The following TUBGCP3 variants were observed in gnomAD, a reference collection of about 807,000 sequenced individuals.
TUBGCP3 encodes gamma-tubulin complex component 3.
In TUBGCP3, 50 loss-of-function variants were observed where a neutral mutation model predicts 123.1. The observed-to-expected ratio is 0.41, with a 90% CI of 0.32 to 0.51. TUBGCP3 has a LOEUF of 0.51. TUBGCP3 is among the 20% of genes least tolerant of loss of function. TUBGCP3 has a pLI of 0.36. For synonymous variants in TUBGCP3, 405 were observed against 413.9 expected (o/e 0.98, Z 0.26); for missense variants, 882 against 1,127.0 (o/e 0.78, Z 3.11).
intron 19 of TUBGCP3, 112 bp from the exon 20 acceptor site, chr13:112,499,297 C>A: frequency 7.5e-7 from 1 of 1,334,404 alleles, no homozygotes; most frequent in South Asian, 1.5e-5. Context: ...AACTGAAATT[C>A]CCAAAGTGTT....
chr13:112,498,861 G>C, intron 20 of TUBGCP3, 184 bp downstream of exon 20: 1 of 1,608,096 alleles, frequency 6.2e-7, no homozygotes. Flanking sequence ...GATGATGCCA[G>C]TGAGGGTGGC....
Position 112,552,078 on chromosome 13 carries a change from C to T in TUBGCP3, c.966+1979G>A, listed in dbSNP as rs76473865. ...CGGTCATGCCTGCTCGCCCTCCACT[C>T]ACCTCCTGCCGTGCGGCCCAGTTCC... On this transcript the variant is annotated intron_variant, in intron 8 of 21. Coordinates refer to ENST00000261965, the MANE Select transcript of TUBGCP3 (RefSeq NM_006322.6). 8.1e-3 allele frequency among the ~76,000 whole-genome samples: 1,227 copies of T among 152,326 alleles called. 13 individuals carry two copies. Among genetic ancestry groups the T allele is most frequent in the African/African-American group, 0.028 (1,163 of 41,562 alleles).
At chr13:112,486,493 C>T (rs1298743170) in intron 21 of TUBGCP3, among the ~76,000 whole-genome samples, 1 of 152,252 alleles carries the variant, frequency 6.6e-6, no homozygotes, top group Non-Finnish European at 1.5e-5. Flanking sequence ...TTAGAACATT[C>T]TATTTTGAAT....
intron 17 of TUBGCP3, among the ~76,000 whole-genome samples, chr13:112,515,822 C>G (rs1318372313): frequency 2.6e-5 from 4 of 152,198 alleles, no homozygotes; most frequent in Non-Finnish European, 5.9e-5. Context: ...AGGGACCAGC[C>G]TGTGAGCTGG....
intron 2 of TUBGCP3, among the ~76,000 whole-genome samples, chr13:112,565,683 C>T (rs1339550037): frequency 6.6e-6 from 1 of 152,138 alleles, no homozygotes; most frequent in Non-Finnish European, 1.5e-5. Context: ...GCCTGTAATC[C>T]CAGCACTTTG....
intron 3 of TUBGCP3, among the ~76,000 whole-genome samples, chr13:112,560,132 C>CAA (rs778347153): frequency 0.2 from 17,564 of 87,282 alleles, 1,533 homozygotes; most frequent in Non-Finnish European, 0.26. Flanking sequence ...GACTCCGTCT[C>CAA]AAAAAAAAAA....
intron 14 of TUBGCP3, 45 bp downstream of exon 14, chr13:112,522,275 T>C: frequency 7.3e-7 from 1 of 1,373,376 alleles, no homozygotes; most frequent in Non-Finnish European, 9.7e-7. Context: ...TTCCTTATCA[T>C]GTCAAATATA....
chr13:112,486,297 C>T, intron 21 of TUBGCP3, 146 bp from the exon 22 acceptor site: 1 of 1,017,214 alleles, frequency 9.8e-7, no homozygotes, highest in Non-Finnish European at 1.4e-6. Context: ...GGGCAGGTGT[C>T]CAGGGAGCAA....
At chr13:112,604,578 G>A in the TUBGCP3 span, 1 of 152,226 alleles carries the variant, frequency 6.6e-6, no homozygotes, top group South Asian at 2.1e-4. Flanking sequence ...AATTACAGAA[G>A]TGAGCTACCA....
chr13:112,604,053 C>A, the TUBGCP3 span: 1 of 152,136 alleles, frequency 6.6e-6, no homozygotes, highest in Admixed American at 6.5e-5. Flanking sequence ...TAGCAGTTTT[C>A]CAGTCAAAAA....
chr13:112,490,576 A>T (rs555434716), intron 20 of TUBGCP3, among the ~76,000 whole-genome samples: 4 of 152,356 alleles, frequency 2.6e-5, no homozygotes, highest in Non-Finnish European at 5.9e-5. Flanking sequence ...CACTTGTCAA[A>T]TATGGTGAAT....
At chr13:112,498,522 A>G (rs183740273) in intron 20 of TUBGCP3, among the ~76,000 whole-genome samples, 37 of 152,354 alleles carry the variant, frequency 2.4e-4, no homozygotes, top group African/African-American at 8.7e-4. Flanking sequence ...TCAGTGATGA[A>G]AAAGTTTCGG....
intron 3 of TUBGCP3, among the ~76,000 whole-genome samples, chr13:112,564,711 C>T (rs529441186): frequency 5.8e-4 from 89 of 152,278 alleles, no homozygotes; most frequent in African/African-American, 1.8e-3. Context: ...CAACCACGTT[C>T]AAAATCAATT....
chr13:112,568,900 C>T (rs558893158), intron 2 of TUBGCP3, among the ~76,000 whole-genome samples: 56 of 152,326 alleles, frequency 3.7e-4, no homozygotes, highest in African/African-American at 1.3e-3. Flanking sequence ...CAAAAGCTAA[C>T]AAATGGAAAG....
At position 112,504,043 on chromosome 13, in the gene TUBGCP3, T is replaced by A. The variant is rs759960025; in HGVS notation, c.2296A>T (p.Ser766Cys). 6.2e-7 allele frequency: 1 copy of A among 1,611,926 alleles called. No individual in the cohort carries two copies. Among genetic ancestry groups the A allele is most frequent in the Non-Finnish European group, 8.5e-7 (1 of 1,178,772 alleles). Residue 766 changes from serine to cysteine, a missense_variant, in exon 19 of 22, where the codon AGT becomes TGT. Coordinates refer to ENST00000261965, the MANE Select transcript of TUBGCP3 (RefSeq NM_006322.6). The stretch of plus-strand genomic sequence containing the variant: ...GGTCGGAGTCTTACCCTGGAGTCAC[T>A]GTCCAGCAGGCAGCGGGAGATGATG... ...DTIISRCLLD[S>C]DSRALLNQLR...
At chr13:112,518,518 G>A (rs1876349334) in intron 16 of TUBGCP3, among the ~76,000 whole-genome samples, 1 of 152,136 alleles carries the variant, frequency 6.6e-6, no homozygotes, top group African/African-American at 2.4e-5. Flanking sequence ...TTTATAATGT[G>A]GTAACTGTTA....
At chr13:112,602,541 C>T in the TUBGCP3 span, among the ~76,000 whole-genome samples, 1 of 152,254 alleles carries the variant, frequency 6.6e-6, no homozygotes, top group East Asian at 1.9e-4. Flanking sequence ...AATGCCCAGA[C>T]GGGCCATTTA....
upstream of TUBGCP3, among the ~76,000 whole-genome samples, chr13:112,592,403 C>T (rs982747318): frequency 6.6e-6 from 1 of 152,138 alleles, no homozygotes; most frequent in African/African-American, 2.4e-5. The surrounding 1 kb of genome is among the most constrained non-coding windows in gnomAD (Gnocchi z 4.1). Flanking sequence ...GTGTCACTCC[C>T]GGCAGGAGTA....
chr13:112,581,326 G>A lies in TUBGCP3; in HGVS notation c.76+6579C>T, dbSNP rs1207987168. Among the ~76,000 whole-genome samples the A allele has an allele frequency of 6.1e-5, 8 of 130,794 alleles. No individual in the cohort carries two copies. The East Asian group carries it at 1.0e-3, about 17-fold the overall frequency. The allele number at this position is 130,794 out of a possible 152,430, so 85.8% of individuals were successfully genotyped here. A position where few individuals can be genotyped will look rare whatever the true frequency, so the allele number is the denominator to read the frequency against. On this transcript the variant is annotated intron_variant, in intron 1 of 21. Coordinates refer to ENST00000261965, the MANE Select transcript of TUBGCP3 (RefSeq NM_006322.6). ...AAATGTTTTGTGGGGTCACAGGGTC[G>A]GGGTAGTTTTTTTCTCCTTATATTT...
Sources: gnomAD v4.1 joint callset for allele counts (sites outside exome capture counted in the v4.1 genomes callset) on GRCh38, gnomAD v4.1.1 for gene constraint, Gnocchi (gnomAD v3.1) non-coding constraint, MANE v1.5 for transcripts, NCBI Gene and HGNC (gene_info 2026-07-23, HGNC 2026-07-21) for gene names.